Variants in BCAS2 observed in about 807,000 individuals in gnomAD.
BCAS2 encodes BCAS2 pre-mRNA processing factor.
In BCAS2, 34 loss-of-function variants were observed where a neutral mutation model predicts 35.3. The ratio of observed to expected loss-of-function variants is 0.96; its 90% CI spans 0.73 to 1.28. BCAS2 has a LOEUF of 1.28. Ranked by LOEUF, BCAS2 falls within the 50% of genes most tolerant of loss-of-function variation. The probability of loss-of-function intolerance (pLI) is 0.00; values close to 1 mark genes in which losing one functional copy is unlikely to be tolerated. For synonymous variants in BCAS2, 75 were observed against 91.6 expected (o/e 0.82, Z 1.03); for missense variants, 221 against 268.1 (o/e 0.82, Z 1.23).
At chr1:114,574,477 G>A (rs757317746) in intron 4 of BCAS2, among the ~76,000 whole-genome samples, 5 of 152,166 alleles carry the variant, frequency 3.3e-5, no homozygotes, top group Non-Finnish European at 7.3e-5. Flanking sequence ...TTTATTTTAG[G>A]ATTTAAGATT....
chr1:114,570,286 ACAAG>A, intron 5 of BCAS2, among the ~76,000 whole-genome samples: 1 of 152,114 alleles, frequency 6.6e-6, no homozygotes, highest in East Asian at 1.9e-4. Flanking sequence ...ACACACACAC[ACAAG>A]CACACACAGA....
In BCAS2 at chr1:114,575,771, TA is replaced by T; in HGVS notation, c.258-21del. ...TCATATCTGAAATTAAACAACAAAATAAAATAAAACCATCTATACTGCCAAG... is the reference window on the plus strand; with the variant it reads ...TCATATCTGAAATTAAACAACAAAATAAATAAAACCATCTATACTGCCAAG... On this transcript the variant is annotated intron_variant, in intron 3 of 6. Coordinates refer to ENST00000369541, the MANE Select transcript of BCAS2 (RefSeq NM_005872.3). 3.1e-6 allele frequency: 5 copies of T among 1,609,650 alleles called. No homozygotes were observed. The highest frequency in any genetic ancestry group is 4.2e-6 in the Non-Finnish European group (5 of 1,178,886).
chr1:114,574,218 G>A lies in BCAS2; in HGVS notation c.419+1372C>T, dbSNP rs529660922. 8.5e-5 allele frequency among the ~76,000 whole-genome samples: 13 copies of A among 152,320 alleles called. 1 individual carries two copies. In the East Asian group the frequency reaches 2.5e-3, roughly 29 times the overall value. On this transcript the variant is annotated intron_variant, in intron 4 of 6. Transcript: ENST00000369541. ...TAATCCCAAAATTACTACTTGTAGT[G>A]TTTTGCAGTCATTCATGGACATGTG...
intron 3 of BCAS2, 21 bp from the exon 4 acceptor site, chr1:114,575,772 A>G: frequency 6.2e-7 from 1 of 1,609,776 alleles, no homozygotes; most frequent in South Asian, 1.1e-5. Context: ...ACAACAAAAT[A>G]AAATAAAACC....
In BCAS2 at chr1:114,581,318, G is replaced by A; in HGVS notation, c.167C>T (p.Pro56Leu). The change falls in exon 2 of 7, where the codon CCG (proline) becomes CTG (leucine). Residue 56 changes from proline to leucine, a missense_variant. Pro to Leu is a moderately conservative substitution (Grantham distance 98, BLOSUM62 -3). Transcript: ENST00000369541. ...TKNYLSYLTA[P>L]DYSAFETDIM... ...ACTTACTTCAAAGGCAGAATAATCC[G>A]GGGCTGTCAGGTAGCTCAGGTAGTT... The A allele has an allele frequency of 6.2e-7, 1 of 1,614,150 alleles. No individual in the cohort carries two copies. The highest frequency in any genetic ancestry group is 2.2e-5 in the East Asian group (1 of 44,886).
chr1:114,572,609 A>G (rs1372040903), intron 4 of BCAS2, among the ~76,000 whole-genome samples: 2 of 152,212 alleles, frequency 1.3e-5, no homozygotes, highest in African/African-American at 4.8e-5. Context: ...AGAGGGAGAC[A>G]ATACTAGAAG....
intron 4 of BCAS2, 132 bp from the exon 5 acceptor site, chr1:114,570,882 A>T: frequency 1.5e-6 from 1 of 669,892 alleles, no homozygotes; most frequent in African/African-American, 1.8e-5. Flanking sequence ...GACACTCCAT[A>T]ATCGAGGACT....
At chr1:114,577,046 A>G (rs1460667101) in intron 2 of BCAS2, among the ~76,000 whole-genome samples, 1 of 152,216 alleles carries the variant, frequency 6.6e-6, no homozygotes, top group East Asian at 1.9e-4. Flanking sequence ...TCAGTTCGAC[A>G]GTGCTATGGT....
chr1:114,570,742 A>G lies in BCAS2; in HGVS notation c.428T>C (p.Val143Ala), dbSNP rs1462787778. 6.3e-7 allele frequency: 1 copy of G among 1,587,482 alleles called. No individual in the cohort carries two copies. Among genetic ancestry groups the G allele is most frequent in the Non-Finnish European group, 8.6e-7 (1 of 1,162,222 alleles). The stretch of plus-strand genomic sequence containing the variant: ...CTTCTGTGCGTGTTCAATCATATGA[A>G]CTAGATTTCTGAAGGAAAAGAGGAA... ...NAWKVYNENL[V>A]HMIEHAQKEL... is the part of the protein sequence containing the mutation. Residue 143 changes from valine to alanine, a missense_variant, in exon 5 of 7, where the codon GTT (valine) becomes GCT (alanine). Physicochemically the swap from Val to Ala is moderately conservative, Grantham distance 64. Transcript: ENST00000369541.
chr1:114,573,204 T>A (rs1461897046), intron 4 of BCAS2, among the ~76,000 whole-genome samples: 2 of 150,172 alleles, frequency 1.3e-5, no homozygotes, highest in Non-Finnish European at 2.9e-5. Flanking sequence ...TTCAGGTAAG[T>A]TGACAGCAGT....
intron 4 of BCAS2, 123 bp from the exon 5 acceptor site, chr1:114,570,873 A>G: frequency 1.4e-6 from 1 of 712,096 alleles, no homozygotes; most frequent in Non-Finnish European, 2.4e-6. Flanking sequence ...ACTATGTTGG[A>G]CACTCCATAA....
chr1:114,569,123 A>AT (rs1287622350), intron 6 of BCAS2, among the ~76,000 whole-genome samples: 1 of 152,196 alleles, frequency 6.6e-6, no homozygotes, highest in African/African-American at 2.4e-5. Flanking sequence ...TAAAAGTTTA[A>AT]TAAAAAAGCA....
chr1:114,575,828 A>C, intron 3 of BCAS2, 77 bp from the exon 4 acceptor site: 3 of 1,475,046 alleles, frequency 2.0e-6, no homozygotes, highest in Non-Finnish European at 2.8e-6. Flanking sequence ...AGAATGTCCC[A>C]TGAGTCTCCA....
In BCAS2 at chr1:114,567,963, G is replaced by C. The variant is rs1654559718; in HGVS notation, c.*167C>G. 4 of 856,968 alleles carry C rather than the reference G, an allele frequency of 4.7e-6. No individual in the cohort carries two copies. Among genetic ancestry groups the C allele is most frequent in the Non-Finnish European group, 7.0e-6 (4 of 569,282 alleles). The allele number at this position is 856,968 out of a possible 1,614,324, so 53.1% of individuals were successfully genotyped here. A position where few individuals can be genotyped will look rare whatever the true frequency, so the allele number is the denominator to read the frequency against. ...CCACCAAGCTAGACATTTTAATTCT[G>C]TTGAGATATACAAATAGAATTACCA... On this transcript the variant is annotated 3_prime_UTR_variant, in exon 7 of 7. Coordinates refer to ENST00000369541, the MANE Select transcript of BCAS2 (RefSeq NM_005872.3).
intron 4 of BCAS2, among the ~76,000 whole-genome samples, chr1:114,573,547 G>A (rs1200660596): frequency 6.6e-6 from 1 of 152,052 alleles, no homozygotes; most frequent in Non-Finnish European, 1.5e-5. Flanking sequence ...ATCTCTTAAC[G>A]CTTAGTTTAC....
intron 2 of BCAS2, among the ~76,000 whole-genome samples, chr1:114,578,084 G>A (rs1370010453): frequency 2.6e-5 from 4 of 152,070 alleles, no homozygotes; most frequent in Admixed American, 6.6e-5. Flanking sequence ...CCAGATACTC[G>A]GAGGCTGAGG....
intron 4 of BCAS2, among the ~76,000 whole-genome samples, chr1:114,573,336 C>T (rs189073188): frequency 0.017 from 2,029 of 122,338 alleles, 45 homozygotes; most frequent in African/African-American, 0.056. Context: ...CTTAATGCCC[C>T]ATCTTTTTTT....
Position 114,581,317 on chromosome 1 carries a change from CG to C in BCAS2, c.167del (p.Pro56ArgfsTer10). The C allele has an allele frequency of 1.2e-6, 2 of 1,614,164 alleles. No homozygotes were observed. Among genetic ancestry groups the C allele is most frequent in the Non-Finnish European group, 1.7e-6 (2 of 1,180,030 alleles). On this transcript the variant is annotated frameshift_variant, in exon 2 of 7. Coordinates refer to ENST00000369541, the MANE Select transcript of BCAS2 (RefSeq NM_005872.3). LOFTEE classifies it high-confidence loss of function. ...TACTTACTTCAAAGGCAGAATAATCCGGGGCTGTCAGGTAGCTCAGGTAGTT... is the reference window on the plus strand; with the variant it reads ...TACTTACTTCAAAGGCAGAATAATCCGGGCTGTCAGGTAGCTCAGGTAGTT... ...TKNYLSYLTA[P>X]DYSAFETDIM... is the part of the protein sequence containing the mutation.
chr1:114,571,054 C>G (rs1330003504), intron 4 of BCAS2, among the ~76,000 whole-genome samples: 1 of 151,440 alleles, frequency 6.6e-6, no homozygotes, highest in African/African-American at 2.4e-5. Flanking sequence ...TCTTGGAGTA[C>G]TTAGGTTACT....
Sources: allele counts gnomAD v4.1 joint callset (sites outside exome capture counted in the v4.1 genomes callset), GRCh38; gene constraint gnomAD v4.1.1; transcripts MANE v1.5; gene names NCBI Gene and HGNC (gene_info 2026-07-23, HGNC 2026-07-21).